SLC16A12: variants seen among roughly 807,000 people sequenced by gnomAD.
SLC16A12 encodes the protein solute carrier family 16 member 12.
In SLC16A12, 17 loss-of-function variants were observed where a neutral mutation model predicts 42.4. That is an observed-to-expected ratio of 0.40 (90% confidence interval 0.27 to 0.60). The LOEUF is 0.60. SLC16A12 is among the 20% of genes least tolerant of loss of function. The pLI is 0.42. For synonymous variants in SLC16A12, 224 were observed against 229.4 expected (o/e 0.98, Z 0.21); for missense variants, 544 against 623.0 (o/e 0.87, Z 1.35).
intron 2 of SLC16A12, among the ~76,000 whole-genome samples, chr10:89,484,663 C>T (rs1370983458): frequency 6.6e-6 from 1 of 152,108 alleles, no homozygotes; most frequent in African/African-American, 2.4e-5. Context: ...AGTGTAGCTC[C>T]GAAGCCTGTG....
At chr10:89,514,427 A>G (rs541894479) in intron 2 of SLC16A12, among the ~76,000 whole-genome samples, 2 of 152,318 alleles carry the variant, frequency 1.3e-5, no homozygotes, top group East Asian at 3.9e-4. Flanking sequence ...TTTTTCTTAC[A>G]GTTCTGGAGG....
chr10:89,518,458 A>C (rs569918159), intron 2 of SLC16A12, among the ~76,000 whole-genome samples: 1 of 152,264 alleles, frequency 6.6e-6, no homozygotes, highest in Middle Eastern at 3.4e-3. Flanking sequence ...TTGTACATGC[A>C]AGGAAGTTGG....
In SLC16A12 at chr10:89,432,871, A is replaced by G; in HGVS notation, c.*193T>C. 1 of 727,952 alleles carries G rather than the reference A, an allele frequency of 1.4e-6. No homozygotes were observed. The highest frequency in any genetic ancestry group is 2.1e-6 in the Non-Finnish European group (1 of 468,038). The allele number at this position is 727,952 out of a possible 1,614,324, so 45.1% of individuals were successfully genotyped here. A position where few individuals can be genotyped will look rare whatever the true frequency, so the allele number is the denominator to read the frequency against. On this transcript the variant is annotated 3_prime_UTR_variant, in exon 8 of 8. Coordinates refer to ENST00000371790, the MANE Select transcript of SLC16A12 (RefSeq NM_213606.4). ...GTTATGAGCACAAATCCCAAATGAG[A>G]AGGCTCTGGGCTAGTCCAGCTTTCC...
chr10:89,472,450 A>ATTACTTCT (rs1842512479), intron 2 of SLC16A12, among the ~76,000 whole-genome samples: 1 of 138,896 alleles, frequency 7.2e-6, no homozygotes, highest in Non-Finnish European at 1.6e-5. Context: ...TTCCAGCAGC[A>ATTACTTCT]TTACTTCTTT....
intron 2 of SLC16A12, among the ~76,000 whole-genome samples, chr10:89,507,906 G>C (rs935100909): frequency 6.6e-6 from 1 of 151,628 alleles, no homozygotes; most frequent in South Asian, 2.1e-4. Flanking sequence ...AATGGAAAGC[G>C]AAAAAAAGCA....
At chr10:89,442,677 T>C (rs946357643) in intron 4 of SLC16A12, among the ~76,000 whole-genome samples, 3 of 152,178 alleles carry the variant, frequency 2.0e-5, no homozygotes, top group Non-Finnish European at 4.4e-5. Context: ...AAGAGTTGAG[T>C]TGATTTAGCC....
At chr10:89,452,838 C>A (rs2026912) in intron 3 of SLC16A12, among the ~76,000 whole-genome samples, 20,256 of 152,222 alleles carry the variant, frequency 0.13, 1,794 homozygotes, top group Non-Finnish European at 0.19. Context: ...ATGGTTCAGC[C>A]CTGATGCACG....
intron 5 of SLC16A12, among the ~76,000 whole-genome samples, chr10:89,440,521 T>C (rs1841889100): frequency 6.6e-6 from 1 of 152,174 alleles, no homozygotes; most frequent in Admixed American, 6.5e-5. Context: ...ATAGGCAAAC[T>C]CCCATTGCAG....
intron 6 of SLC16A12, among the ~76,000 whole-genome samples, 198 bp from the exon 7 acceptor site, chr10:89,436,517 A>C (rs190615622): frequency 9.2e-5 from 14 of 152,328 alleles, no homozygotes; most frequent in Admixed American, 9.1e-4. Flanking sequence ...GGTGTGGTAG[A>C]AAGAATATAT....
At chr10:89,532,585 T>C (rs1280071537) in intron 2 of SLC16A12, among the ~76,000 whole-genome samples, 1 of 152,182 alleles carries the variant, frequency 6.6e-6, no homozygotes, top group Non-Finnish European at 1.5e-5. Flanking sequence ...GCTTCCAAAT[T>C]GGCAATTTTT....
chr10:89,501,424 C>T (rs1318474547), intron 2 of SLC16A12, among the ~76,000 whole-genome samples: 1 of 152,086 alleles, frequency 6.6e-6, no homozygotes. Flanking sequence ...CCATAGTTAC[C>T]AAAACAGCAT....
At chr10:89,537,180 TTTTG>T (rs1389815072), upstream of SLC16A12, among the ~76,000 whole-genome samples, 1 of 140,158 alleles carries the variant, frequency 7.1e-6, no homozygotes, top group African/African-American at 2.6e-5. Flanking sequence ...AGGAGTCTCG[TTTTG>T]TTTGTTTTCT....
At chr10:89,491,851 T>C (rs1842852106) in intron 2 of SLC16A12, among the ~76,000 whole-genome samples, 1 of 152,018 alleles carries the variant, frequency 6.6e-6, no homozygotes, top group South Asian at 2.1e-4. Flanking sequence ...AAAGGGAAAG[T>C]AGAAGTCGAA....
At chr10:89,508,874 G>A (rs1033344909) in intron 2 of SLC16A12, among the ~76,000 whole-genome samples, 5 of 151,820 alleles carry the variant, frequency 3.3e-5, no homozygotes, top group African/African-American at 1.2e-4. Context: ...CAAATAGACA[G>A]AATAAAAAAT....
intron 3 of SLC16A12, among the ~76,000 whole-genome samples, chr10:89,450,424 G>A (rs1589668652): frequency 6.6e-6 from 1 of 152,240 alleles, no homozygotes; most frequent in Admixed American, 6.5e-5. Flanking sequence ...GGAATACTAT[G>A]CAGCCATAAA....
At chr10:89,456,859 T>C (rs976812106) in intron 3 of SLC16A12, among the ~76,000 whole-genome samples, 1 of 152,182 alleles carries the variant, frequency 6.6e-6, no homozygotes. Context: ...GCTCCATTCA[T>C]GTCCCTGCAA....
chr10:89,488,235 A>AT (rs1168569793), intron 2 of SLC16A12, among the ~76,000 whole-genome samples: 1 of 151,942 alleles, frequency 6.6e-6, no homozygotes, highest in African/African-American at 2.4e-5. Flanking sequence ...GTCTACAGAA[A>AT]TTTTTTTAAA....
At chr10:89,491,485 C>T (rs542336332) in intron 2 of SLC16A12, among the ~76,000 whole-genome samples, 136 of 152,024 alleles carry the variant, frequency 8.9e-4, no homozygotes, top group Non-Finnish European at 1.6e-3. Context: ...AATCTCTTCT[C>T]CCACTGAGCC....
intron 2 of SLC16A12, among the ~76,000 whole-genome samples, chr10:89,521,598 C>T (rs779638501): frequency 1.2e-4 from 18 of 152,302 alleles, no homozygotes; most frequent in Admixed American, 2.6e-4. Flanking sequence ...CTCACCCCCA[C>T]ATGTCATAAC....
Sources: allele counts gnomAD v4.1 joint callset (sites outside exome capture counted in the v4.1 genomes callset), GRCh38; gene constraint gnomAD v4.1.1; transcripts MANE v1.5; gene names NCBI Gene and HGNC (gene_info 2026-07-23, HGNC 2026-07-21).